Variants in NAMPT observed in about 807,000 individuals in gnomAD.
NAMPT encodes NAmPRTase.
NAMPT carries 7 observed loss-of-function variants against 58.7 expected under a neutral mutation model. That is an observed-to-expected ratio of 0.12 (90% CI 0.07 to 0.22). The LOEUF (loss-of-function observed/expected upper bound fraction) is 0.22, where lower values mean the gene tolerates loss of function less well. Ranked by LOEUF, NAMPT falls within the 10% of genes least tolerant of loss-of-function variation. NAMPT has a pLI of 1.00. For missense variants in NAMPT, 271 were observed against 567.9 expected (o/e 0.48, Z 5.31); for synonymous variants, 145 against 198.1 (o/e 0.73, Z 2.25).
chr7:106,275,552 T>C (rs953213844), intron 2 of NAMPT: 1 of 152,514 alleles, frequency 6.6e-6, no homozygotes, highest in Non-Finnish European at 1.5e-5. Context: ...TATATGATGT[T>C]TGTGAGGACA....
intron 1 of NAMPT, among the ~76,000 whole-genome samples, chr7:106,283,454 T>A (rs1792803572): frequency 6.6e-6 from 1 of 152,138 alleles, no homozygotes; most frequent in Non-Finnish European, 1.5e-5. Flanking sequence ...AAAAAAAATC[T>A]GACAGTTATT....
rs1792068459 is a variant in NAMPT at position 106,249,193 on chromosome 7, A to C, written c.*1890T>G. On this transcript the variant is annotated 3_prime_UTR_variant, in exon 11 of 11. Coordinates refer to ENST00000222553, the MANE Select transcript of NAMPT (RefSeq NM_005746.3). ...CAAATACATTAAAAAATCATTTTAA[A>C]ATTATTTTATATCATGGATTACAGA... 1 of 152,500 alleles carries C rather than the reference A, an allele frequency of 6.6e-6. No homozygotes were observed. Among genetic ancestry groups the C allele is most frequent in the South Asian group, 2.1e-4 (1 of 4,830 alleles). 9.4% of individuals were successfully genotyped at this position (152,500 alleles called of 1,614,324 possible).
At chr7:106,273,192 C>T (rs1436766114) in intron 3 of NAMPT, among the ~76,000 whole-genome samples, 1 of 152,140 alleles carries the variant, frequency 6.6e-6, no homozygotes, top group East Asian at 1.9e-4. Context: ...TGGTCGTGGA[C>T]CTGAAACTAT....
chr7:106,283,406 G>A (rs1174096552), intron 1 of NAMPT, among the ~76,000 whole-genome samples: 2 of 151,884 alleles, frequency 1.3e-5, no homozygotes, highest in African/African-American at 4.8e-5. Context: ...TTAAAATTTA[G>A]ACTATTCAAC....
chr7:106,272,715 T>A lies in NAMPT; in HGVS notation c.319-57A>T, dbSNP rs1371195962. 1.9e-6 allele frequency: 3 copies of A among 1,587,016 alleles called. No homozygotes were observed. The South Asian group carries it at 3.4e-5, about 18-fold the overall frequency. On this transcript the variant is annotated intron_variant, in intron 3 of 10. Coordinates refer to ENST00000222553, the MANE Select transcript of NAMPT (RefSeq NM_005746.3). ...CAACAGATGATACTCAATTCCCTGC[T>A]GTTTTACTAAAGGTTCTTTACGTTT...
chr7:106,272,373 A>C (rs543805664), intron 4 of NAMPT, 157 bp downstream of exon 4: 2 of 578,236 alleles, frequency 3.5e-6, no homozygotes, highest in African/African-American at 3.8e-5. Context: ...AAGATTATTT[A>C]GTCTGTCATT....
upstream of NAMPT, chr7:106,285,232 G>T (rs564443257): frequency 7.5e-4 from 748 of 994,008 alleles, 2 homozygotes; most frequent in Non-Finnish European, 7.6e-4. Context: ...GGAGGAGGAC[G>T]TGATGCACGC....
At chr7:106,252,112 G>C (rs1186501564) in intron 10 of NAMPT, among the ~76,000 whole-genome samples, 3 of 152,054 alleles carry the variant, frequency 2.0e-5, no homozygotes, top group Non-Finnish European at 2.9e-5. Flanking sequence ...TTATTTTCTA[G>C]TTTATTCTAC....
At chr7:106,285,454 T>C, upstream of NAMPT, 1 of 814,366 alleles carries the variant, frequency 1.2e-6, no homozygotes, top group African/African-American at 1.9e-5. Flanking sequence ...GCCGGTTTTC[T>C]GGGTCCTCCT....
intron 8 of NAMPT, among the ~76,000 whole-genome samples, chr7:106,255,779 T>C (rs918095697): frequency 6.6e-6 from 1 of 152,146 alleles, no homozygotes; most frequent in Non-Finnish European, 1.5e-5. Context: ...TTCCTTTAAA[T>C]AATTGTGAAC....
intron 6 of NAMPT, among the ~76,000 whole-genome samples, chr7:106,264,149 CATAT>C (rs901083076): frequency 2.0e-5 from 3 of 151,994 alleles, no homozygotes; most frequent in Non-Finnish European, 2.9e-5. Context: ...ACCATACATA[CATAT>C]AGTCAACTAC....
chr7:106,273,653 T>C (rs1447381668), intron 3 of NAMPT, among the ~76,000 whole-genome samples: 1 of 152,190 alleles, frequency 6.6e-6, no homozygotes, highest in African/African-American at 2.4e-5. Context: ...AAACGACTTA[T>C]TGCCCTGGCC....
chr7:106,249,829 TG>T lies in NAMPT; in HGVS notation c.*1253del, dbSNP rs1792077414. 6.6e-6 allele frequency: 1 copy of T among 152,026 alleles called. No individual in the cohort carries two copies. Among genetic ancestry groups the T allele is most frequent in the Non-Finnish European group, 1.5e-5 (1 of 67,940 alleles). The allele number at this position is 152,026 out of a possible 1,614,324, so 9.4% of individuals were successfully genotyped here. The stretch of plus-strand genomic sequence containing the variant: ...CATAAAAGAATCATTCGAAAGAAAC[TG>T]GTCTCTAGTCAGATGTGATGTATGA... On this transcript the variant is annotated 3_prime_UTR_variant, in exon 11 of 11. Coordinates refer to ENST00000222553, the MANE Select transcript of NAMPT (RefSeq NM_005746.3).
At chr7:106,277,261 A>T in intron 1 of NAMPT, 82 bp from the exon 2 acceptor site, 1 of 1,147,432 alleles carries the variant, frequency 8.7e-7, no homozygotes, top group South Asian at 1.5e-5. Flanking sequence ...AAGTTATTTC[A>T]AAACCAGAGA....
At chr7:106,270,832 C>G (rs1055019575) in intron 4 of NAMPT, among the ~76,000 whole-genome samples, 8 of 152,212 alleles carry the variant, frequency 5.3e-5, no homozygotes, top group African/African-American at 1.7e-4. Flanking sequence ...GCAAGAGCAG[C>G]AGACGACCAT....
intron 8 of NAMPT, among the ~76,000 whole-genome samples, chr7:106,259,417 G>GA (rs1237331531): frequency 1.3e-5 from 2 of 152,066 alleles, no homozygotes; most frequent in African/African-American, 4.8e-5. Flanking sequence ...TTCAGCTACA[G>GA]ACTTAAGAAT....
intron 8 of NAMPT, among the ~76,000 whole-genome samples, chr7:106,260,463 T>C (rs1032981838): frequency 5.3e-5 from 8 of 152,270 alleles, no homozygotes; most frequent in Non-Finnish European, 7.3e-5. Context: ...TTTGATCTTC[T>C]ATTCAGACCA....
chr7:106,268,357 A>T, intron 6 of NAMPT, 107 bp downstream of exon 6: 1 of 952,016 alleles, frequency 1.1e-6, no homozygotes, highest in Non-Finnish European at 1.6e-6. Context: ...CAAGTTCATG[A>T]AGATGTACTG....
At chr7:106,268,338 T>C in intron 6 of NAMPT, 126 bp downstream of exon 6, 1 of 798,418 alleles carries the variant, frequency 1.3e-6, no homozygotes, top group Non-Finnish European at 2.0e-6. Flanking sequence ...ATACTGAATT[T>C]GTGTTGCTCA....
Sources: allele counts gnomAD v4.1 joint callset (sites outside exome capture counted in the v4.1 genomes callset), GRCh38; gene constraint gnomAD v4.1.1; transcripts MANE v1.5; gene names NCBI Gene and HGNC (gene_info 2026-07-23, HGNC 2026-07-21).